NF1: variants seen among roughly 807,000 people sequenced by gnomAD.
NF1 encodes neurofibromin.
NF1 carries 122 observed loss-of-function variants against 325.7 expected under a neutral mutation model. The observed-to-expected ratio is 0.37, with a 90% confidence interval of 0.32 to 0.44. The LOEUF (loss-of-function observed/expected upper bound fraction) is 0.44. Ranked by LOEUF, NF1 falls within the 20% of genes least tolerant of loss-of-function variation. NF1 has a pLI of 1.00. For missense variants in NF1, 2,140 were observed against 3,415.4 expected (o/e 0.63, Z 9.31); for synonymous variants, 1,091 against 1,186.0 (o/e 0.92, Z 1.65).
rs1060503923 is a variant in NF1 at position 31,229,309 on chromosome 17, G to A, written c.2694G>A (p.Leu898=). 2.5e-6 allele frequency: 4 copies of A among 1,613,944 alleles called. No individual in the cohort carries two copies. Among genetic ancestry groups the A allele is most frequent in the South Asian group, 1.1e-5 (1 of 91,080 alleles). ...CTGTCAGCAAATTTATGGATCGGCT[G>A]TTGTCCTTAATGGTGTGTAACCATG... ...DTPVSKFMDR[L]LSLMVCNHEK... is the part of the protein sequence containing the mutation. The change falls in exon 21 of 58, where the codon CTG becomes CTA. Residue 898 remains leucine, a synonymous_variant. Coordinates refer to ENST00000358273, the MANE Select transcript of NF1 (RefSeq NM_001042492.3).
At position 31,326,183 on chromosome 17, in the gene NF1, A is replaced by G. The variant is rs751431468; in HGVS notation, c.5199A>G (p.Leu1733=). 6.2e-7 allele frequency: 1 copy of G among 1,613,356 alleles called. No individual in the cohort carries two copies. The highest frequency in any genetic ancestry group is 8.5e-7 in the Non-Finnish European group (1 of 1,179,762). ...AACTACCTGCTGCCACCTTGGCTTTAGAAGAGGACCTGAAGGTATTCCACA... is the reference window on the plus strand; with the variant it reads ...AACTACCTGCTGCCACCTTGGCTTTGGAAGAGGACCTGAAGGTATTCCACA... ...QQKLPAATLA[L]EEDLKVFHNA... is the part of the protein sequence containing the mutation. Residue 1733 remains leucine (L), a synonymous_variant, in exon 37 of 58, where the codon TTA becomes TTG. Transcript: ENST00000358273.
chr17:31,099,089 C>T (rs528100098), intron 1 of NF1, among the ~76,000 whole-genome samples: 15 of 152,214 alleles, frequency 9.9e-5, no homozygotes, highest in Admixed American at 3.9e-4. Context: ...GACCACTTAA[C>T]GCCCCCAGGG....
intron 57 of NF1, among the ~76,000 whole-genome samples, chr17:31,372,447 T>C (rs964777823): frequency 6.6e-6 from 1 of 152,222 alleles, no homozygotes; most frequent in African/African-American, 2.4e-5. Flanking sequence ...GTAAATTTTA[T>C]TGATGTTTAA....
intron 1 of NF1, among the ~76,000 whole-genome samples, chr17:31,153,159 G>A (rs1413149291): frequency 1.3e-5 from 2 of 152,042 alleles, no homozygotes; most frequent in Non-Finnish European, 2.9e-5. Flanking sequence ...CTCAGTGTGG[G>A]CTAGAACTGT....
At chr17:31,318,616 A>T in intron 36 of NF1, 2 of 1,614,020 alleles carry the variant, frequency 1.2e-6, no homozygotes, top group Non-Finnish European at 1.7e-6. Context: ...TAGCATAGCC[A>T]TGTTGTTGTT....
intron 31 of NF1, chr17:31,253,659 A>G (rs1005562215): frequency 6.6e-6 from 1 of 152,294 alleles, no homozygotes; most frequent in Non-Finnish European, 1.5e-5. Context: ...TTCTGCAAAC[A>G]TAATGTGAAT....
intron 1 of NF1, among the ~76,000 whole-genome samples, chr17:31,129,030 G>C (rs1469053830): frequency 6.6e-6 from 1 of 151,844 alleles, no homozygotes; most frequent in East Asian, 1.9e-4. Context: ...TCCTTTATAG[G>C]TGACATGTCC....
At chr17:31,203,242 G>T (rs1237857965) in intron 11 of NF1, among the ~76,000 whole-genome samples, 5 of 152,098 alleles carry the variant, frequency 3.3e-5, no homozygotes, top group Admixed American at 2.0e-4. Context: ...CTACTCTAAT[G>T]AGCACTGCAT....
rs1212419079 is a variant in NF1 at position 31,377,485 on chromosome 17, C to T, written c.*3330C>T. On this transcript the variant is annotated 3_prime_UTR_variant, in exon 58 of 58. Coordinates refer to ENST00000358273, the MANE Select transcript of NF1 (RefSeq NM_001042492.3). ...CTTTGGCAGTTCCTTTGTCTACAAC[C>T]TTGTTAATACTGTAAACAGTTGTAC... 1 of 232,736 alleles carries T rather than the reference C, an allele frequency of 4.3e-6. No individual in the cohort carries two copies. Among genetic ancestry groups the T allele is most frequent in the Non-Finnish European group, 8.5e-6 (1 of 117,608 alleles). The allele number at this position is 232,736 out of a possible 1,614,324, so 14.4% of individuals were successfully genotyped here.
intron 36 of NF1, among the ~76,000 whole-genome samples, chr17:31,276,567 C>A (rs2068014353): frequency 6.6e-6 from 1 of 152,178 alleles, no homozygotes; most frequent in Admixed American, 6.6e-5. Flanking sequence ...GTGCAAATGC[C>A]TTATCTGCAT....
intron 38 of NF1, 103 bp downstream of exon 38, chr17:31,327,942 T>C: frequency 8.9e-7 from 1 of 1,124,856 alleles, no homozygotes; most frequent in Non-Finnish European, 1.3e-6. Flanking sequence ...ATATTGTAAA[T>C]TGGAAGGTAT....
chr17:31,266,573 T>C (rs1259586660), intron 36 of NF1, among the ~76,000 whole-genome samples: 1 of 152,214 alleles, frequency 6.6e-6, no homozygotes, highest in Non-Finnish European at 1.5e-5. Context: ...ACCATATTTG[T>C]ATTCTAACCC....
chr17:31,151,835 T>G (rs1392952244), intron 1 of NF1, among the ~76,000 whole-genome samples: 2 of 152,222 alleles, frequency 1.3e-5, no homozygotes, highest in African/African-American at 4.8e-5. Flanking sequence ...GAGGGCTGAC[T>G]GTATTTGAAT....
Position 31,375,907 on chromosome 17 carries a change from G to T in NF1, c.*1752G>T, listed in dbSNP as rs1481755026. On this transcript the variant is annotated 3_prime_UTR_variant, in exon 58 of 58. Coordinates refer to ENST00000358273, the MANE Select transcript of NF1 (RefSeq NM_001042492.3). The stretch of plus-strand genomic sequence containing the variant: ...AATTATTTGCCAAAATAAGAGGAAA[G>T]AAAACCTTAGTATTATTAATGAGTT... The T allele has an allele frequency of 8.6e-6, 2 of 232,798 alleles. No individual in the cohort carries two copies. The highest frequency in any genetic ancestry group is 4.4e-5 in the African/African-American group (2 of 45,316). The allele number at this position is 232,798 out of a possible 1,614,324, so 14.4% of individuals were successfully genotyped here.
At chr17:31,367,110 T>C in intron 57 of NF1, 1 of 416,802 alleles carries the variant, frequency 2.4e-6, no homozygotes, top group Non-Finnish European at 4.0e-6. Flanking sequence ...TAAAACCAGA[T>C]TCCTTCTGAA....
At chr17:31,365,013 C>T in intron 57 of NF1, among the ~76,000 whole-genome samples, 1 of 152,046 alleles carries the variant, frequency 6.6e-6, no homozygotes, top group East Asian at 1.9e-4. Context: ...GAAAATGAAA[C>T]CCAGGCTGAG....
At chr17:31,289,696 T>C (rs1483924374) in intron 36 of NF1, among the ~76,000 whole-genome samples, 1 of 152,240 alleles carries the variant, frequency 6.6e-6, no homozygotes, top group Non-Finnish European at 1.5e-5. Context: ...CATTGTTTAC[T>C]TAATTTCCTA....
At chr17:31,135,312 A>G (rs1651876141) in intron 1 of NF1, among the ~76,000 whole-genome samples, 1 of 152,004 alleles carries the variant, frequency 6.6e-6, no homozygotes, top group South Asian at 2.1e-4. Flanking sequence ...GCCCCTCTTG[A>G]TCTCTAGTCC....
At chr17:31,286,385 AG>A (rs1328967589) in intron 36 of NF1, among the ~76,000 whole-genome samples, 1 of 152,148 alleles carries the variant, frequency 6.6e-6, no homozygotes, top group African/African-American at 2.4e-5. Flanking sequence ...CACCACACCC[AG>A]CCTATTTTAA....
Sources: allele counts gnomAD v4.1 joint callset (sites outside exome capture counted in the v4.1 genomes callset), GRCh38; gene constraint gnomAD v4.1.1; transcripts MANE v1.5; gene names NCBI Gene and HGNC (gene_info 2026-07-23, HGNC 2026-07-21).